The following DACH1 variants were observed in gnomAD, a reference collection of about 807,000 sequenced individuals.
The protein encoded by DACH1 is dachshund family transcription factor 1.
In DACH1, 12 loss-of-function variants were observed where a neutral mutation model predicts 54.2. The ratio of observed to expected loss-of-function variants is 0.22; its 90% CI spans 0.14 to 0.36. The LOEUF is 0.36. DACH1 is among the 10% of genes least tolerant of loss of function. The pLI, the probability that DACH1 is intolerant of heterozygous loss-of-function variation, is 1.00. For missense variants in DACH1, 805 were observed against 929.8 expected, an observed-to-expected ratio of 0.87 and a Z score of 1.75; for synonymous variants, 386 against 366.2, an observed-to-expected ratio of 1.05 and a Z score of -0.62.
At position 71,438,148 on chromosome 13, in the gene DACH1, C is replaced by T. The variant is rs1476490876; in HGVS notation, c.*2507G>A. The stretch of plus-strand genomic sequence containing the variant: ...TGTACAGATTTTGTACAACAAAATT[C>T]GTAATAACCTTTTATCATTTTTAGA... On this transcript the variant is annotated 3_prime_UTR_variant, in exon 11 of 11. Transcript: ENST00000613252. The T allele has an allele frequency of 2.6e-5, 4 of 152,156 alleles. No individual in the cohort carries two copies. The highest frequency in any genetic ancestry group is 1.9e-4 in the East Asian group (1 of 5,184). 9.4% of individuals were successfully genotyped at this position (152,156 alleles called of 1,614,324 possible).
intron 10 of DACH1, among the ~76,000 whole-genome samples, chr13:71,473,340 TGTTGGTGCATAG>T (rs1877247464): frequency 6.6e-6 from 1 of 152,202 alleles, no homozygotes; most frequent in Non-Finnish European, 1.5e-5. Flanking sequence ...ACCATTAAGT[TGTTGGTGCATAG>T]GTTTACTGTA....
At chr13:71,657,634 T>C (rs2138643042) in intron 2 of DACH1, among the ~76,000 whole-genome samples, 1 of 151,904 alleles carries the variant, frequency 6.6e-6, no homozygotes, top group Non-Finnish European at 1.5e-5. Flanking sequence ...CTGGTGCTCA[T>C]TTGACTTTCT....
chr13:71,573,148 T>C, intron 3 of DACH1, 136 bp from the exon 4 acceptor site: 1 of 829,954 alleles, frequency 1.2e-6, no homozygotes. Context: ...TTTCACTTAC[T>C]ACTCAGGGAA....
chr13:71,602,884 T>C (rs1390845857), intron 3 of DACH1, among the ~76,000 whole-genome samples: 1 of 151,956 alleles, frequency 6.6e-6, no homozygotes, highest in Non-Finnish European at 1.5e-5. Context: ...ATGGAGATCA[T>C]ATGCTGTGAG....
At chr13:71,748,629 AG>A (rs1884714512) in intron 1 of DACH1, among the ~76,000 whole-genome samples, 1 of 152,162 alleles carries the variant, frequency 6.6e-6, no homozygotes, top group Non-Finnish European at 1.5e-5. Context: ...CCTCATTCCC[AG>A]GGCCTTGAGG....
At chr13:71,531,907 T>C (rs1255641719) in intron 6 of DACH1, among the ~76,000 whole-genome samples, 1 of 151,900 alleles carries the variant, frequency 6.6e-6, no homozygotes, top group East Asian at 1.9e-4. Flanking sequence ...TATCATTCTT[T>C]TGAGGAATAA....
chr13:71,831,990 C>T (rs1461637065), intron 1 of DACH1, among the ~76,000 whole-genome samples: 1 of 151,832 alleles, frequency 6.6e-6, no homozygotes, highest in Admixed American at 6.6e-5. Context: ...TTTTTGAGGT[C>T]ACTATCTGTT....
chr13:71,780,224 T>G (rs1046684306), intron 1 of DACH1, among the ~76,000 whole-genome samples: 9 of 152,108 alleles, frequency 5.9e-5, no homozygotes, highest in African/African-American at 1.9e-4. Flanking sequence ...ACTGAAAAGT[T>G]AGAAAGAGCT....
intron 1 of DACH1, among the ~76,000 whole-genome samples, chr13:71,781,433 C>A (rs12876286): frequency 0.029 from 4,416 of 151,378 alleles, 88 homozygotes; most frequent in Non-Finnish European, 0.045. Context: ...GGCTGGAGTG[C>A]AGTGGCACCA....
Position 71,499,770 on chromosome 13 carries a change from C to T in DACH1, c.1571-10622G>A, listed in dbSNP as rs552679741. ...CTTTAATAATCTACTTTAAAGTCTG[C>T]GCTTGCCCATAGAAAGTGAACCAGT... On this transcript the variant is annotated intron_variant, in intron 6 of 10. Transcript: ENST00000613252. 1.1e-4 allele frequency among the ~76,000 whole-genome samples: 16 copies of T among 152,196 alleles called. No homozygotes were observed. In the East Asian group the frequency reaches 1.4e-3, roughly 13 times the overall value.
intron 4 of DACH1, among the ~76,000 whole-genome samples, chr13:71,564,738 C>A (rs1486311269): frequency 6.6e-6 from 1 of 152,038 alleles, no homozygotes; most frequent in South Asian, 2.1e-4. Flanking sequence ...TATATTTTAT[C>A]AAATTAAAAT....
intron 1 of DACH1, among the ~76,000 whole-genome samples, chr13:71,694,781 TA>T (rs901432060): frequency 1.3e-5 from 2 of 152,200 alleles, no homozygotes; most frequent in African/African-American, 2.4e-5. Flanking sequence ...TTTAAAATAC[TA>T]AAAACATAGT....
chr13:71,542,024 G>A (rs938428698), intron 6 of DACH1, among the ~76,000 whole-genome samples: 1 of 147,392 alleles, frequency 6.8e-6, no homozygotes, highest in African/African-American at 2.5e-5. Flanking sequence ...AAGACAGGCA[G>A]ATCACCTGAG....
chr13:71,771,693 C>T (rs1303351453), intron 1 of DACH1, among the ~76,000 whole-genome samples: 1 of 151,344 alleles, frequency 6.6e-6, no homozygotes, highest in Non-Finnish European at 1.5e-5. Context: ...AAATGTTAAA[C>T]ATTTTTATGG....
At chr13:71,740,872 A>G (rs1212194929) in intron 1 of DACH1, among the ~76,000 whole-genome samples, 1 of 152,130 alleles carries the variant, frequency 6.6e-6, no homozygotes, top group Non-Finnish European at 1.5e-5. Flanking sequence ...TATTCTCCTA[A>G]ACATTTTTTT....
chr13:71,550,360 G>A (rs1455600332), intron 6 of DACH1, among the ~76,000 whole-genome samples: 1 of 152,052 alleles, frequency 6.6e-6, no homozygotes, highest in East Asian at 1.9e-4. Context: ...AGAAGACATA[G>A]CTCCTGCCCT....
intron 1 of DACH1, among the ~76,000 whole-genome samples, chr13:71,818,927 G>A (rs1888074988): frequency 6.6e-6 from 1 of 152,204 alleles, no homozygotes; most frequent in Admixed American, 6.5e-5. Flanking sequence ...TCCCAGGAAG[G>A]GACCTGAATC....
intron 1 of DACH1, among the ~76,000 whole-genome samples, chr13:71,788,646 T>C (rs1282890916): frequency 2.6e-5 from 4 of 152,080 alleles, no homozygotes; most frequent in Non-Finnish European, 5.9e-5. Flanking sequence ...AAATACATTG[T>C]TACTTTTAAT....
At chr13:71,827,913 T>C (rs1888440894) in intron 1 of DACH1, among the ~76,000 whole-genome samples, 1 of 152,042 alleles carries the variant, frequency 6.6e-6, no homozygotes, top group African/African-American at 2.4e-5. Context: ...CTGCATTGTG[T>C]AGTGGACAAT....
Sources: allele counts gnomAD v4.1 joint callset (sites outside exome capture counted in the v4.1 genomes callset), GRCh38; gene constraint gnomAD v4.1.1; transcripts MANE v1.5; gene names NCBI Gene and HGNC (gene_info 2026-07-23, HGNC 2026-07-21).